Variants in CCDC171 observed in about 807,000 individuals in gnomAD.
CCDC171 encodes coiled-coil domain containing 171.
In CCDC171, 177 loss-of-function variants were observed where a neutral mutation model predicts 168.2. The observed-to-expected ratio is 1.05, with a 90% CI of 0.93 to 1.19. CCDC171 has a LOEUF of 1.19. Among genes scored for constraint, CCDC171 ranks in the 50% most tolerant of loss-of-function variants. The probability of loss-of-function intolerance (pLI) is 0.00; values close to 1 mark genes in which losing one functional copy is unlikely to be tolerated. For missense variants in CCDC171, 1,991 were observed against 1,539.0 expected (o/e 1.29, Z -4.91); for synonymous variants, 687 against 540.8 (o/e 1.27, Z -3.75).
At chr9:15,824,069 T>C (rs2059910500) in intron 21 of CCDC171, among the ~76,000 whole-genome samples, 1 of 152,036 alleles carries the variant, frequency 6.6e-6, no homozygotes, top group African/African-American at 2.4e-5. Flanking sequence ...TGGAGAAAAT[T>C]TTTTTCCAAG....
chr9:15,663,589 G>C (rs992200932), intron 8 of CCDC171, among the ~76,000 whole-genome samples: 2 of 146,148 alleles, frequency 1.4e-5, no homozygotes, highest in Non-Finnish European at 3.0e-5. Context: ...GAACTACATA[G>C]AGAATTTTCT....
chr9:15,751,805 G>A (rs556371160), intron 18 of CCDC171, among the ~76,000 whole-genome samples: 2 of 151,944 alleles, frequency 1.3e-5, no homozygotes, highest in African/African-American at 4.8e-5. Flanking sequence ...CCATAAAAAC[G>A]CTAGAAGAAA....
At chr9:15,742,500 C>G (rs1040802391) in intron 16 of CCDC171, among the ~76,000 whole-genome samples, 1 of 152,110 alleles carries the variant, frequency 6.6e-6, no homozygotes, top group African/African-American at 2.4e-5. Flanking sequence ...TTTATTTTTC[C>G]TTGAAGTGTG....
chr9:15,594,518 A>G (rs1275961105), intron 6 of CCDC171, among the ~76,000 whole-genome samples: 1 of 152,206 alleles, frequency 6.6e-6, no homozygotes, highest in Admixed American at 6.5e-5. Context: ...AAGAATCCTT[A>G]CAAATCATAT....
the CCDC171 span, among the ~76,000 whole-genome samples, chr9:16,103,097 G>T: frequency 6.6e-6 from 1 of 152,170 alleles, no homozygotes; most frequent in Admixed American, 6.5e-5. Flanking sequence ...CACCCTTTTG[G>T]GTCTTGGCAG....
chr9:15,968,709 T>A (rs766665004), intron 25 of CCDC171, among the ~76,000 whole-genome samples: 2 of 151,982 alleles, frequency 1.3e-5, no homozygotes, highest in Non-Finnish European at 2.9e-5. Flanking sequence ...CAACTGATTT[T>A]TATATTTTTA....
chr9:15,590,761 TTCTTTCTTTC>T (rs1232563432), intron 4 of CCDC171, among the ~76,000 whole-genome samples: 38 of 126,552 alleles, frequency 3.0e-4, no homozygotes, highest in African/African-American at 6.9e-4. Flanking sequence ...TTTTTCTTCT[TTCTTTCTTTC>T]TCTTTCTTTC....
At chr9:15,589,924 GA>G (rs1168995257) in intron 4 of CCDC171, among the ~76,000 whole-genome samples, 1 of 152,144 alleles carries the variant, frequency 6.6e-6, no homozygotes, top group East Asian at 1.9e-4. Flanking sequence ...AATCATCAAT[GA>G]AAATAACTCA....
At chr9:15,899,334 A>G (rs1157330033) in intron 24 of CCDC171, among the ~76,000 whole-genome samples, 1 of 143,720 alleles carries the variant, frequency 7.0e-6, no homozygotes, top group Non-Finnish European at 1.5e-5. Context: ...ACAAGTTTTC[A>G]TTTTTCTAGG....
chr9:15,725,411 G>A (rs370184133), intron 14 of CCDC171, among the ~76,000 whole-genome samples: 7 of 152,218 alleles, frequency 4.6e-5, no homozygotes, highest in African/African-American at 1.7e-4. Context: ...CTGTGGACAA[G>A]CTATATAGCT....
At position 15,972,700 on chromosome 9, in the gene CCDC171, T is replaced by G. The variant is rs1362608071; in HGVS notation, c.*864T>G. ...AAATAGACTCCTTTTTTGTTTTTGT[T>G]GTTGGTAGGACCCAAGAGTGACACC... On this transcript the variant is annotated 3_prime_UTR_variant, in exon 26 of 26. Transcript: ENST00000380701. 1 of 152,132 alleles carries G rather than the reference T, an allele frequency of 6.6e-6. No homozygotes were observed. The highest frequency in any genetic ancestry group is 1.5e-5 in the Non-Finnish European group (1 of 68,014). The allele number at this position is 152,132 out of a possible 1,614,324, so 9.4% of individuals were successfully genotyped here.
intron 1 of CCDC171, among the ~76,000 whole-genome samples, chr9:15,557,042 G>C (rs1053122360): frequency 4.6e-5 from 7 of 152,140 alleles, no homozygotes; most frequent in South Asian, 2.1e-4. Flanking sequence ...TCAAAGATCA[G>C]ATGGTTGTAG....
chr9:15,776,739 T>A (rs2057348400), intron 18 of CCDC171, among the ~76,000 whole-genome samples: 1 of 152,224 alleles, frequency 6.6e-6, no homozygotes, highest in East Asian at 1.9e-4. Context: ...TGTATTCTTA[T>A]AAGGATAAAA....
At chr9:15,720,872 A>G (rs1028848684) in intron 11 of CCDC171, among the ~76,000 whole-genome samples, 2 of 152,096 alleles carry the variant, frequency 1.3e-5, no homozygotes, top group African/African-American at 4.8e-5. Context: ...CCAGTGTGTG[A>G]TGTTCTCTTT....
chr9:15,663,772 AT>A (rs1167592598), intron 8 of CCDC171, among the ~76,000 whole-genome samples: 2 of 151,692 alleles, frequency 1.3e-5, no homozygotes, highest in African/African-American at 4.8e-5. Flanking sequence ...CACCTGGCTA[AT>A]TTTTTTGTAC....
the CCDC171 span, among the ~76,000 whole-genome samples, chr9:16,088,249 C>T: frequency 5.3e-5 from 8 of 151,882 alleles, no homozygotes; most frequent in Non-Finnish European, 1.2e-4. Flanking sequence ...GTTTATGACA[C>T]ACCCACAGCC....
chr9:15,736,197 G>A (rs955338192), intron 16 of CCDC171, among the ~76,000 whole-genome samples: 1 of 152,060 alleles, frequency 6.6e-6, no homozygotes, highest in African/African-American at 2.4e-5. Flanking sequence ...GAATGTTATG[G>A]ACTGTTTTAG....
chr9:15,802,352 C>T (rs2058865003), intron 21 of CCDC171, among the ~76,000 whole-genome samples: 1 of 151,992 alleles, frequency 6.6e-6, no homozygotes. Flanking sequence ...ATCATTCTAT[C>T]ACCCAGGTAT....
chr9:15,780,387 A>G (rs2057602805), intron 20 of CCDC171, among the ~76,000 whole-genome samples: 1 of 151,828 alleles, frequency 6.6e-6, no homozygotes, highest in Non-Finnish European at 1.5e-5. Context: ...AGAAAGTATT[A>G]AGAAGAAAGT....
Sources: gnomAD v4.1 joint callset for allele counts (sites outside exome capture counted in the v4.1 genomes callset) on GRCh38, gnomAD v4.1.1 for gene constraint, MANE v1.5 for transcripts, NCBI Gene and HGNC (gene_info 2026-07-23, HGNC 2026-07-21) for gene names.